Variants in GREM2 observed in about 807,000 individuals in gnomAD.
GREM2 encodes gremlin-2.
GREM2 carries 11 observed loss-of-function variants against 14.2 expected under a neutral mutation model. The ratio of observed to expected loss-of-function variants is 0.78; its 90% CI spans 0.49 to 1.28. The LOEUF is 1.28. Among genes scored for constraint, GREM2 ranks in the 50% most tolerant of loss-of-function variants. The pLI is 0.00. For missense variants in GREM2, 210 were observed against 218.5 expected (o/e 0.96, Z 0.24); for synonymous variants, 98 against 97.6 (o/e 1.00, Z -0.02).
At chr1:240,504,202 G>C (rs962636144) in intron 1 of GREM2, among the ~76,000 whole-genome samples, 6 of 152,106 alleles carry the variant, frequency 3.9e-5, no homozygotes, top group Non-Finnish European at 7.4e-5. Flanking sequence ...GAAAAAAACT[G>C]TTCAGTACTA....
intron 1 of GREM2, among the ~76,000 whole-genome samples, chr1:240,507,705 A>G (rs1677712938): frequency 6.7e-6 from 1 of 149,152 alleles, no homozygotes; most frequent in African/African-American, 2.4e-5. Flanking sequence ...AGCAAAGGCT[A>G]TAAGAAGGCA....
chr1:240,502,987 T>C (rs922748331), intron 1 of GREM2, among the ~76,000 whole-genome samples: 3 of 152,168 alleles, frequency 2.0e-5, no homozygotes, highest in Non-Finnish European at 2.9e-5. Flanking sequence ...AAAAGAGACA[T>C]GCCAGGAGAA....
Position 240,542,746 on chromosome 1 carries a change from TAAG to T in GREM2, c.-1-49273_-1-49271del. Among the ~76,000 whole-genome samples, 1 of 152,218 alleles carries T rather than the reference TAAG, an allele frequency of 6.6e-6. No individual in the cohort carries two copies. The highest frequency in any genetic ancestry group is 1.5e-5 in the Non-Finnish European group (1 of 68,036). ...ATTTGAATTATCTGATGGTTTGGCATAAGAAGATTATGAATCAAGCTTATCTGC... is the reference window on the plus strand; with the variant it reads ...ATTTGAATTATCTGATGGTTTGGCATAAGATTATGAATCAAGCTTATCTGC... On this transcript the variant is annotated intron_variant, in intron 1 of 1. Coordinates refer to ENST00000318160, the MANE Select transcript of GREM2 (RefSeq NM_022469.4). This position sits in a 1 kb window ranked among gnomAD's most constrained non-coding sequence, Gnocchi z 4.1.
chr1:240,593,956 T>C (rs1304158279), intron 1 of GREM2, among the ~76,000 whole-genome samples: 3 of 151,830 alleles, frequency 2.0e-5, no homozygotes, highest in Admixed American at 6.6e-5. Flanking sequence ...TCTTAATTTG[T>C]TTGTTTGTTT....
chr1:240,573,143 TG>T (rs1679291101), intron 1 of GREM2, among the ~76,000 whole-genome samples: 1 of 151,620 alleles, frequency 6.6e-6, no homozygotes, highest in African/African-American at 2.4e-5. Flanking sequence ...CAAATCAATT[TG>T]AAAAAAAAAA....
intron 1 of GREM2, among the ~76,000 whole-genome samples, chr1:240,523,500 A>G (rs2103306044): frequency 6.6e-6 from 1 of 152,268 alleles, no homozygotes; most frequent in Admixed American, 6.5e-5. Flanking sequence ...ACATTTAACA[A>G]TATAACTAAA....
chr1:240,590,998 T>C (rs146515121), intron 1 of GREM2, among the ~76,000 whole-genome samples: 5 of 150,846 alleles, frequency 3.3e-5, no homozygotes, highest in Admixed American at 1.3e-4. Flanking sequence ...GCCAGGCTGG[T>C]CTCAAATGCC....
At chr1:240,494,901 A>G (rs538154325) in intron 1 of GREM2, among the ~76,000 whole-genome samples, 1 of 152,326 alleles carries the variant, frequency 6.6e-6, no homozygotes, top group East Asian at 1.9e-4. Context: ...ACTCCGGCTC[A>G]GAAAAAAAAA....
At chr1:240,513,539 C>T (rs1472564464) in intron 1 of GREM2, among the ~76,000 whole-genome samples, 3 of 145,170 alleles carry the variant, frequency 2.1e-5, no homozygotes, top group Non-Finnish European at 4.5e-5. Context: ...CACACCATTG[C>T]ACTCCAGCCT....
At chr1:240,544,337 CG>C (rs1678666712) in intron 1 of GREM2, among the ~76,000 whole-genome samples, 1 of 151,850 alleles carries the variant, frequency 6.6e-6, no homozygotes, top group Admixed American at 6.6e-5. Flanking sequence ...TTAATAGACG[CG>C]GGGTTTCACC....
intron 1 of GREM2, among the ~76,000 whole-genome samples, chr1:240,497,391 A>G (rs191417463): frequency 6.6e-6 from 1 of 152,190 alleles, no homozygotes; most frequent in Admixed American, 6.5e-5. Context: ...TCAGATCTGT[A>G]TTTCTAAAAA....
intron 1 of GREM2, among the ~76,000 whole-genome samples, chr1:240,512,311 T>A (rs568433760): frequency 6.6e-6 from 1 of 152,246 alleles, no homozygotes; most frequent in South Asian, 2.1e-4. Context: ...GAGAAAAGTC[T>A]CAGCTTCAAA....
chr1:240,534,983 G>A (rs1473441541), intron 1 of GREM2, among the ~76,000 whole-genome samples: 1 of 152,098 alleles, frequency 6.6e-6, no homozygotes, highest in Non-Finnish European at 1.5e-5. Context: ...TGATCTGTCT[G>A]TTTCTGTATG....
chr1:240,529,150 G>A (rs979806370), intron 1 of GREM2, among the ~76,000 whole-genome samples: 1 of 151,896 alleles, frequency 6.6e-6, no homozygotes, highest in African/African-American at 2.4e-5. Context: ...GAAGACACAT[G>A]GATGAGCTCT....
intron 1 of GREM2, among the ~76,000 whole-genome samples, chr1:240,559,308 C>T (rs1395828375): frequency 1.4e-5 from 2 of 146,420 alleles, no homozygotes; most frequent in Non-Finnish European, 3.0e-5. Flanking sequence ...AAAAATCGGT[C>T]ATTAGTATCA....
chr1:240,570,949 A>G (rs1002724680), intron 1 of GREM2, among the ~76,000 whole-genome samples: 1 of 152,232 alleles, frequency 6.6e-6, no homozygotes, highest in Non-Finnish European at 1.5e-5. Flanking sequence ...AACAGTGCAT[A>G]CAGGAGAAAA....
intron 1 of GREM2, among the ~76,000 whole-genome samples, chr1:240,595,640 C>T (rs1344027455): frequency 1.3e-5 from 2 of 152,152 alleles, no homozygotes; most frequent in African/African-American, 4.8e-5. Flanking sequence ...TGGAAGCCAT[C>T]TGGAGGCGGC....
intron 1 of GREM2, among the ~76,000 whole-genome samples, chr1:240,513,812 G>A (rs1414823000): frequency 6.6e-6 from 1 of 152,100 alleles, no homozygotes; most frequent in Non-Finnish European, 1.5e-5. Context: ...AACTCATACT[G>A]CTTTATAGAG....
intron 1 of GREM2, among the ~76,000 whole-genome samples, chr1:240,601,024 T>C (rs1471751080): frequency 6.6e-6 from 1 of 152,216 alleles, no homozygotes; most frequent in Admixed American, 6.5e-5. Context: ...TTCACAAAAT[T>C]AGATTTGAAG....
Sources: allele counts gnomAD v4.1 joint callset (sites outside exome capture counted in the v4.1 genomes callset), GRCh38; gene constraint gnomAD v4.1.1; non-coding constraint Gnocchi (gnomAD v3.1); transcripts MANE v1.5; gene names NCBI Gene and HGNC (gene_info 2026-07-23, HGNC 2026-07-21).